Variants in QTMAN observed in about 807,000 individuals in gnomAD.
The protein encoded by QTMAN is queuosine-tRNA mannosyltransferase.
At chr2:144,078,314 A>C in the QTMAN span, among the ~76,000 whole-genome samples, 1 of 152,214 alleles carries the variant, frequency 6.6e-6, no homozygotes, top group Admixed American at 6.5e-5. Flanking sequence ...ACTCTACTGC[A>C]CTTTAAGAGA....
At chr2:144,020,257 T>G in the QTMAN span, among the ~76,000 whole-genome samples, 2 of 152,102 alleles carry the variant, frequency 1.3e-5, no homozygotes, top group Non-Finnish European at 2.9e-5. Context: ...GCCTAAATGC[T>G]GCATTTCCCA....
the QTMAN span, among the ~76,000 whole-genome samples, chr2:143,983,468 GTT>G: frequency 0.056 from 6,418 of 115,328 alleles, 114 homozygotes; most frequent in East Asian, 0.13. Flanking sequence ...CATTTTTGAG[GTT>G]TTTTTTTTTT....
At chr2:144,330,017 A>C in the QTMAN span, among the ~76,000 whole-genome samples, 1 of 152,226 alleles carries the variant, frequency 6.6e-6, no homozygotes, top group African/African-American at 2.4e-5. Flanking sequence ...TCTGGGATGT[A>C]AAAAATTCAT....
chr2:144,072,534 T>C, the QTMAN span, among the ~76,000 whole-genome samples: 1 of 152,200 alleles, frequency 6.6e-6, no homozygotes, highest in Non-Finnish European at 1.5e-5. Context: ...ATTCAACCAG[T>C]TGATGTCAAC....
the QTMAN span, among the ~76,000 whole-genome samples, chr2:144,320,849 TC>T: frequency 4.6e-5 from 7 of 152,148 alleles, no homozygotes; most frequent in Non-Finnish European, 8.8e-5. Context: ...ATTCCAACAC[TC>T]CTCTTGGCTT....
the QTMAN span, among the ~76,000 whole-genome samples, chr2:144,239,969 G>T: frequency 6.6e-6 from 1 of 152,110 alleles, no homozygotes; most frequent in South Asian, 2.1e-4. Context: ...CTATCAAAAG[G>T]CCTAGTAGTA....
chr2:144,151,697 T>C, the QTMAN span, among the ~76,000 whole-genome samples: 1 of 152,184 alleles, frequency 6.6e-6, no homozygotes, highest in African/African-American at 2.4e-5. Flanking sequence ...AACTCAATGA[T>C]ACATACACAC....
At chr2:144,009,086 A>C in the QTMAN span, among the ~76,000 whole-genome samples, 1 of 152,066 alleles carries the variant, frequency 6.6e-6, no homozygotes, top group Non-Finnish European at 1.5e-5. Flanking sequence ...AAATCTTATA[A>C]GATGGAAGGA....
the QTMAN span, among the ~76,000 whole-genome samples, chr2:144,218,567 C>G: frequency 6.6e-6 from 1 of 152,092 alleles, no homozygotes; most frequent in Non-Finnish European, 1.5e-5. Flanking sequence ...AATAAGATGA[C>G]TAACATATTC....
At chr2:144,197,634 A>G in the QTMAN span, among the ~76,000 whole-genome samples, 2 of 152,182 alleles carry the variant, frequency 1.3e-5, no homozygotes, top group African/African-American at 2.4e-5. Flanking sequence ...ACAAAGTTAA[A>G]TTTCAGTTCC....
At chr2:144,042,268 AG>A in the QTMAN span, among the ~76,000 whole-genome samples, 1 of 152,166 alleles carries the variant, frequency 6.6e-6, no homozygotes, top group African/African-American at 2.4e-5. Context: ...AAGAAGTGAG[AG>A]AAAGCAAGAG....
At chr2:144,229,739 T>C in the QTMAN span, among the ~76,000 whole-genome samples, 2 of 152,344 alleles carry the variant, frequency 1.3e-5, no homozygotes, top group East Asian at 1.9e-4. Flanking sequence ...ACTCTGGGTA[T>C]AGGTAATTCC....
At chr2:144,188,276 A>G in the QTMAN span, among the ~76,000 whole-genome samples, 153 of 149,224 alleles carry the variant, frequency 1.0e-3, 1 homozygote, top group Admixed American at 2.1e-3. Flanking sequence ...AGTAGCACCA[A>G]TTTTTTTTTT....
the QTMAN span, among the ~76,000 whole-genome samples, chr2:144,082,564 GA>G: frequency 1.3e-5 from 2 of 151,882 alleles, no homozygotes; most frequent in East Asian, 3.9e-4. Flanking sequence ...AAGTAAAGCA[GA>G]AGTACAAAAA....
the QTMAN span, among the ~76,000 whole-genome samples, chr2:144,329,457 C>G: frequency 1.3e-5 from 2 of 152,164 alleles, no homozygotes; most frequent in Non-Finnish European, 2.9e-5. Flanking sequence ...TTATAAAGGT[C>G]TATATGCTGA....
chr2:144,109,842 T>C, the QTMAN span, among the ~76,000 whole-genome samples: 1 of 152,182 alleles, frequency 6.6e-6, no homozygotes, highest in Non-Finnish European at 1.5e-5. Flanking sequence ...CACAGTGAGA[T>C]ACCATCTCAC....
At chr2:144,158,293 C>T in the QTMAN span, among the ~76,000 whole-genome samples, 3 of 151,956 alleles carry the variant, frequency 2.0e-5, no homozygotes, top group African/African-American at 7.2e-5. Flanking sequence ...GCAACTCTGC[C>T]ACCATGAAGT....
At chr2:144,314,662 G>A in the QTMAN span, among the ~76,000 whole-genome samples, 1 of 152,132 alleles carries the variant, frequency 6.6e-6, no homozygotes, top group Non-Finnish European at 1.5e-5. Context: ...GCAGTGAGTG[G>A]AGATAGTGCC....
At chr2:144,274,287 TAATTTCCTGAGTGATAGGAG>T in the QTMAN span, among the ~76,000 whole-genome samples, 1 of 152,348 alleles carries the variant, frequency 6.6e-6, no homozygotes, top group East Asian at 1.9e-4. Flanking sequence ...AAGACGTTTG[TAATTTCCTGAGTGATAGGAG>T]AATCTGACAC....
Sources: gnomAD v4.1 joint callset for allele counts (sites outside exome capture counted in the v4.1 genomes callset) on GRCh38, gnomAD v4.1.1 for gene constraint, MANE v1.5 for transcripts, NCBI Gene and HGNC (gene_info 2026-07-23, HGNC 2026-07-21) for gene names.